CPA3: variants seen among roughly 807,000 people sequenced by gnomAD.
CPA3 encodes carboxypeptidase A3, also known as mast cell carboxypeptidase A.
Under a neutral mutation model 55.8 loss-of-function variants are expected in CPA3, and 52 were observed. The observed-to-expected ratio is 0.93, with a 90% confidence interval of 0.75 to 1.17. The LOEUF is 1.17. Ranked by LOEUF, CPA3 falls within the 50% of genes most tolerant of loss-of-function variation. The pLI is 0.00. For missense variants in CPA3, 547 were observed against 509.1 expected (o/e 1.07, Z -0.72); for synonymous variants, 179 against 171.2 (o/e 1.05, Z -0.36).
chr3:148,877,217 C>T (rs749934108), intron 3 of CPA3, among the ~76,000 whole-genome samples: 10 of 152,202 alleles, frequency 6.6e-5, no homozygotes, highest in African/African-American at 1.9e-4. Flanking sequence ...AAGATGAGGC[C>T]GGGAGCAATG....
chr3:148,895,143 A>C (rs1257052757), intron 10 of CPA3, among the ~76,000 whole-genome samples: 1 of 152,190 alleles, frequency 6.6e-6, no homozygotes, highest in Non-Finnish European at 1.5e-5. Flanking sequence ...CCTCCAAAAG[A>C]AAATCTAAAC....
chr3:148,886,066 TTCACTC>T, intron 9 of CPA3, 21 bp from the exon 10 acceptor site: 1 of 1,510,682 alleles, frequency 6.6e-7, no homozygotes, highest in East Asian at 2.3e-5. Context: ...ATCCTATTAT[TTCACTC>T]TAACTTTCCT....
At position 148,871,161 on chromosome 3, in the gene CPA3, G is replaced by A. The variant is rs114412862; in HGVS notation, c.269+2122G>A. Among the ~76,000 whole-genome samples the A allele has an allele frequency of 4.6e-3, 703 of 152,128 alleles. 12 individuals are homozygous for A. The highest frequency in any genetic ancestry group is 0.016 in the African/African-American group (677 of 41,500). On this transcript the variant is annotated intron_variant, in intron 3 of 10. Coordinates refer to ENST00000296046, the MANE Select transcript of CPA3 (RefSeq NM_001870.4). ...ATCCACTCACCTCGGCCTAGCCACC[G>A]CACCAGGCCTACTGTGTCTCTTGAT...
chr3:148,881,150 A>C (rs1417784915), intron 6 of CPA3, among the ~76,000 whole-genome samples: 1 of 152,202 alleles, frequency 6.6e-6, no homozygotes, highest in Non-Finnish European at 1.5e-5. Flanking sequence ...CTGTGCTTAC[A>C]GACTCTATCT....
intron 3 of CPA3, among the ~76,000 whole-genome samples, chr3:148,876,279 T>A (rs1341799369): frequency 6.6e-6 from 1 of 151,736 alleles, no homozygotes; most frequent in Non-Finnish European, 1.5e-5. Context: ...TATGTTATGA[T>A]CCATTATTAA....
intron 10 of CPA3, among the ~76,000 whole-genome samples, chr3:148,889,869 C>CAAAAA (rs10693111): frequency 3.4e-4 from 37 of 110,196 alleles, no homozygotes; most frequent in African/African-American, 1.1e-3. Context: ...AACTCCATCT[C>CAAAAA]AAAAAAAAAA....
rs142070016 is a variant in CPA3, at chr3:148,873,366, C to T, written c.269+4327C>T. Among the ~76,000 whole-genome samples, 24 of 122,614 alleles carry T rather than the reference C, an allele frequency of 2.0e-4. No individual in the cohort carries two copies. In the East Asian group the frequency reaches 4.3e-3, roughly 22 times the overall value. 80.4% of individuals were successfully genotyped at this position (122,614 alleles called of 152,430 possible). On this transcript the variant is annotated intron_variant, in intron 3 of 10. Coordinates refer to ENST00000296046, the MANE Select transcript of CPA3 (RefSeq NM_001870.4). The stretch of plus-strand genomic sequence containing the variant: ...AACATCTTTCCCCAGTGCATGCACG[C>T]GCGCACACGCGCACACACACACACA...
At chr3:148,871,023 C>G (rs530534455) in intron 3 of CPA3, among the ~76,000 whole-genome samples, 73 of 152,258 alleles carry the variant, frequency 4.8e-4, no homozygotes, top group South Asian at 2.1e-4. Flanking sequence ...TTCAGCCTCC[C>G]GAGTAGCTTA....
intron 3 of CPA3, among the ~76,000 whole-genome samples, chr3:148,877,274 T>A (rs957440568): frequency 6.6e-6 from 1 of 152,194 alleles, no homozygotes; most frequent in Non-Finnish European, 1.5e-5. Context: ...GGTGGGCAGA[T>A]CACCTGAGGT....
rs1385559153 is a variant in CPA3 at position 148,883,751 on chromosome 3, A to C, written c.917A>C (p.Tyr306Ser). ...AAGGTTTACATCACCTTCCATTCCT[A>C]CTCCCAGATGCTATTGTTTCCCTAT... ...EIKVYITFHS[Y>S]SQMLLFPYGY... Residue 306 changes from tyrosine to serine, a missense_variant, in exon 9 of 11, where the codon TAC (tyrosine) becomes TCC (serine). Coordinates refer to ENST00000296046, the MANE Select transcript of CPA3 (RefSeq NM_001870.4). The C allele has an allele frequency of 6.2e-7, 1 of 1,613,720 alleles. No individual in the cohort carries two copies. Among genetic ancestry groups the C allele is most frequent in the African/African-American group, 1.3e-5 (1 of 74,802 alleles).
In CPA3 at chr3:148,879,858, C is replaced by T. The variant is rs764806730; in HGVS notation, c.545C>T (p.Ser182Phe). The T allele has an allele frequency of 5.0e-6, 8 of 1,612,440 alleles. No individual in the cohort carries two copies. The highest frequency in any genetic ancestry group is 2.2e-5 in the South Asian group (2 of 91,018). The change falls in exon 6 of 11, where the codon TCC becomes TTC. Residue 182 changes from serine to phenylalanine, a missense_variant. By Grantham distance (155) the Ser-to-Phe change is radical. Transcript: ENST00000296046. ...DCGIHAREWV[S>F]PAFCQWFVYQ... is the part of the protein sequence containing the mutation. ...GGCATTCACGCACGAGAATGGGTCT[C>T]CCCAGCATTCTGCCAGTGGTTTGTC... is the stretch of plus-strand genomic sequence containing the variant.
chr3:148,876,177 G>A (rs1437417497), intron 3 of CPA3, among the ~76,000 whole-genome samples: 1 of 145,014 alleles, frequency 6.9e-6, no homozygotes, highest in Non-Finnish European at 1.5e-5. Context: ...AAAATGTAGT[G>A]AGAAAAAAAG....
Position 148,865,502 on chromosome 3 carries a change from A to G in CPA3, c.98A>G (p.Asp33Gly), listed in dbSNP as rs1370087468. 2.5e-6 allele frequency: 4 copies of G among 1,613,856 alleles called. No individual in the cohort carries two copies. The highest frequency in any genetic ancestry group is 3.4e-6 in the Non-Finnish European group (4 of 1,179,998). ...REKVFRVKPQDEKQADIIKDL... is the reference protein window; with the variant it reads ...REKVFRVKPQGEKQADIIKDL... ...AAGGTGTTCCGCGTGAAGCCCCAGG[A>G]TGAAAAACAAGCAGACATCATAAAG... is the stretch of plus-strand genomic sequence containing the variant. The change falls in exon 2 of 11, where the codon GAT becomes GGT. Residue 33 changes from aspartate to glycine, a missense_variant. Asp to Gly is a moderately conservative substitution (Grantham distance 94). Coordinates refer to ENST00000296046, the MANE Select transcript of CPA3 (RefSeq NM_001870.4).
rs78288240 is a variant in CPA3, at chr3:148,879,108, T to C, written c.474+360T>C. On this transcript the variant is annotated intron_variant, in intron 5 of 10. Transcript: ENST00000296046. The stretch of plus-strand genomic sequence containing the variant: ...AGGGAATTTAAATATCATAGCATCA[T>C]AGGACTGTAGAACAGTGTGTTAGGC... Among the ~76,000 whole-genome samples the C allele has an allele frequency of 5.8e-3, 885 of 152,334 alleles. 5 individuals carry two copies. Among genetic ancestry groups the C allele is most frequent in the African/African-American group, 0.02 (832 of 41,576 alleles).
At chr3:148,868,789 G>C in intron 2 of CPA3, 126 bp from the exon 3 acceptor site, 8 of 951,418 alleles carry the variant, frequency 8.4e-6, no homozygotes, top group Non-Finnish European at 1.0e-5. Flanking sequence ...ATTAAAAGAA[G>C]GGTCTGTATC....
intron 6 of CPA3, among the ~76,000 whole-genome samples, chr3:148,881,008 G>C (rs1002612270): frequency 1.3e-5 from 2 of 152,042 alleles, no homozygotes; most frequent in Non-Finnish European, 2.9e-5. Flanking sequence ...CATGTGATTA[G>C]AGAAATTTCA....
At chr3:148,886,593 G>A (rs73016147) in intron 10 of CPA3, among the ~76,000 whole-genome samples, 9,232 of 152,108 alleles carry the variant, frequency 0.061, 962 homozygotes, top group African/African-American at 0.21. Flanking sequence ...TTCTCTGGAG[G>A]CTGGGGTGGG....
intron 10 of CPA3, among the ~76,000 whole-genome samples, chr3:148,894,647 G>T (rs887739889): frequency 3.0e-5 from 3 of 98,546 alleles, no homozygotes; most frequent in South Asian, 2.9e-4. Flanking sequence ...TGATGGAAAA[G>T]ATATACTATG....
Position 148,879,858 on chromosome 3 carries a change from C to A in CPA3, c.545C>A (p.Ser182Tyr). The A allele has an allele frequency of 6.2e-7, 1 of 1,612,440 alleles. No homozygotes were observed. Among genetic ancestry groups the A allele is most frequent in the Non-Finnish European group, 8.5e-7 (1 of 1,178,628 alleles). The change falls in exon 6 of 11, where the codon TCC (serine) becomes TAC (tyrosine). Residue 182 changes from serine (S) to tyrosine (Y), a missense_variant. Transcript: ENST00000296046. The part of the protein sequence containing the change: ...DCGIHAREWV[S>Y]PAFCQWFVYQ... ...GGCATTCACGCACGAGAATGGGTCT[C>A]CCCAGCATTCTGCCAGTGGTTTGTC... is the stretch of plus-strand genomic sequence containing the variant.
Sources: allele counts gnomAD v4.1 joint callset (sites outside exome capture counted in the v4.1 genomes callset), GRCh38; gene constraint gnomAD v4.1.1; transcripts MANE v1.5; gene names NCBI Gene and HGNC (gene_info 2026-07-23, HGNC 2026-07-21).